Variants in TTLL5 observed in about 807,000 individuals in gnomAD.
The protein encoded by TTLL5 is tubulin tyrosine ligase like 5, also known as tubulin polyglutamylase TTLL5.
Under a neutral mutation model 168.4 loss-of-function variants are expected in TTLL5, and 132 were observed. The ratio of observed to expected loss-of-function variants is 0.78; its 90% confidence interval spans 0.68 to 0.91. The LOEUF is 0.91. TTLL5 is among the 40% of genes least tolerant of loss of function. The probability of loss-of-function intolerance (pLI) is 0.00; values close to 1 mark genes in which losing one functional copy is unlikely to be tolerated. For synonymous variants in TTLL5, 546 were observed against 558.6 expected (o/e 0.98, Z 0.32); for missense variants, 1,545 against 1,581.5 (o/e 0.98, Z 0.39).
intron 20 of TTLL5, among the ~76,000 whole-genome samples, chr14:75,769,743 A>C (rs1180173684): frequency 3.3e-5 from 5 of 152,212 alleles, no homozygotes; most frequent in South Asian, 4.1e-4. Flanking sequence ...TTATTGACCC[A>C]AACTGAGGAT....
At chr14:75,853,192 C>G (rs1053670250) in intron 28 of TTLL5, among the ~76,000 whole-genome samples, 9 of 152,172 alleles carry the variant, frequency 5.9e-5, no homozygotes, top group African/African-American at 2.2e-4. Context: ...TCATTTACAC[C>G]AAGATTGTCA....
At chr14:75,724,829 G>A (rs1195818006) in intron 12 of TTLL5, among the ~76,000 whole-genome samples, 1 of 152,126 alleles carries the variant, frequency 6.6e-6, no homozygotes. Flanking sequence ...TGCTTAAACA[G>A]CAATCCTTTA....
chr14:75,764,880 A>G (rs1890868109), intron 19 of TTLL5, 108 bp downstream of exon 19: 2 of 1,279,626 alleles, frequency 1.6e-6, no homozygotes, highest in African/African-American at 1.5e-5. Flanking sequence ...CTGATCACAT[A>G]CACCTTTTTT....
chr14:75,926,055 G>T (rs576234503), intron 31 of TTLL5, among the ~76,000 whole-genome samples: 1 of 151,282 alleles, frequency 6.6e-6, no homozygotes, highest in Non-Finnish European at 1.5e-5. Flanking sequence ...AGAGGGAGAG[G>T]GAGACCGTGG....
At chr14:75,750,469 A>G (rs952794569) in intron 17 of TTLL5, among the ~76,000 whole-genome samples, 24 of 150,696 alleles carry the variant, frequency 1.6e-4, no homozygotes, top group African/African-American at 4.4e-4. Flanking sequence ...CGAGACAGCA[A>G]CTAGATCTTC....
At chr14:75,862,993 C>G (rs1041179720) in intron 28 of TTLL5, among the ~76,000 whole-genome samples, 1 of 152,098 alleles carries the variant, frequency 6.6e-6, no homozygotes, top group African/African-American at 2.4e-5. Flanking sequence ...AAGTATTTAA[C>G]AAATACTATA....
chr14:75,800,576 C>T (rs928145658), intron 27 of TTLL5, among the ~76,000 whole-genome samples: 5 of 151,968 alleles, frequency 3.3e-5, no homozygotes, highest in East Asian at 1.9e-4. Flanking sequence ...ATTGTTTTTC[C>T]GGTTCCTTCT....
At chr14:75,780,555 A>G (rs530683421) in intron 24 of TTLL5, among the ~76,000 whole-genome samples, 79 of 152,356 alleles carry the variant, frequency 5.2e-4, no homozygotes, top group Admixed American at 1.1e-3. Flanking sequence ...AGCCTAAGGC[A>G]TAGGTAATCA....
chr14:75,924,894 C>T lies in TTLL5; in HGVS notation c.3823+22670C>T, dbSNP rs866870550. Among the ~76,000 whole-genome samples the T allele has an allele frequency of 9.4e-4, 142 of 150,820 alleles. 2 individuals are homozygous for T. Among genetic ancestry groups the T allele is most frequent in the Admixed American group, 9.8e-4 (15 of 15,230 alleles). On this transcript the variant is annotated intron_variant, in intron 31 of 31. Coordinates refer to ENST00000298832, the MANE Select transcript of TTLL5 (RefSeq NM_015072.5). The stretch of plus-strand genomic sequence containing the variant: ...GGCGCCCCTCACCTCCCGGATGGGG[C>T]GGCTGGTCGGGCGGGGGGCTGACCC...
intron 3 of TTLL5, among the ~76,000 whole-genome samples, chr14:75,669,932 C>T (rs957756542): frequency 5.9e-5 from 9 of 152,152 alleles, no homozygotes; most frequent in Non-Finnish European, 1.2e-4. Context: ...ACCACCAGTC[C>T]CTGGCAACCA....
chr14:75,954,339 G>T, intron 31 of TTLL5, 85 bp from the exon 32 acceptor site: 1 of 1,394,038 alleles, frequency 7.2e-7, no homozygotes, highest in Non-Finnish European at 1.0e-6. Context: ...CTTCAGTGAT[G>T]TTAGATAAAC....
At chr14:75,827,582 G>A (rs1031333772) in intron 28 of TTLL5, among the ~76,000 whole-genome samples, 8 of 151,878 alleles carry the variant, frequency 5.3e-5, no homozygotes, top group African/African-American at 1.9e-4. Context: ...CTCTCGTCCT[G>A]CTTGGACCAT....
chr14:75,897,135 C>T (rs1400346901), intron 30 of TTLL5, among the ~76,000 whole-genome samples: 2 of 151,828 alleles, frequency 1.3e-5, no homozygotes, highest in African/African-American at 4.8e-5. Context: ...GAGCTGTTCC[C>T]TCAGAGTAGG....
At chr14:75,758,703 T>G (rs987887393) in intron 18 of TTLL5, among the ~76,000 whole-genome samples, 21 of 152,054 alleles carry the variant, frequency 1.4e-4, no homozygotes, top group Admixed American at 3.9e-4. Context: ...TGATACAGAG[T>G]ATGTTCTTTG....
chr14:75,827,808 C>T (rs985426197), intron 28 of TTLL5, among the ~76,000 whole-genome samples: 2 of 147,814 alleles, frequency 1.4e-5, no homozygotes, highest in East Asian at 2.0e-4. Flanking sequence ...CAGCCTCTGC[C>T]TCCTCAGGCT....
chr14:75,954,335 T>C, intron 31 of TTLL5, 89 bp from the exon 32 acceptor site: 1 of 1,338,684 alleles, frequency 7.5e-7, no homozygotes, highest in South Asian at 1.2e-5. Flanking sequence ...TATTCTTCAG[T>C]GATGTTAGAT....
At chr14:75,869,049 T>TGTGG (rs1295309036) in intron 29 of TTLL5, among the ~76,000 whole-genome samples, 1 of 139,564 alleles carries the variant, frequency 7.2e-6, no homozygotes, top group Non-Finnish European at 1.6e-5. Flanking sequence ...TGTGTGTGTG[T>TGTGG]GTGTGTGTGT....
At chr14:75,865,321 C>T (rs1275482040) in intron 29 of TTLL5, among the ~76,000 whole-genome samples, 2 of 150,794 alleles carry the variant, frequency 1.3e-5, no homozygotes, top group Admixed American at 1.3e-4. Flanking sequence ...AAACTTTAAA[C>T]TCCCTGTCAT....
intron 2 of TTLL5, 114 bp downstream of exon 2, chr14:75,663,337 G>A: frequency 9.7e-7 from 1 of 1,029,650 alleles, no homozygotes; most frequent in Admixed American, 2.4e-5. Context: ...CTTTTATCTA[G>A]TGTCATTCCT....
Sources: allele counts gnomAD v4.1 joint callset (sites outside exome capture counted in the v4.1 genomes callset), GRCh38; gene constraint gnomAD v4.1.1; transcripts MANE v1.5; gene names NCBI Gene and HGNC (gene_info 2026-07-23, HGNC 2026-07-21).